FGD6: variants seen among roughly 807,000 people sequenced by gnomAD.
FGD6 encodes the protein FYVE, RhoGEF and PH domain containing 6.
In FGD6, 90 loss-of-function variants were observed where a neutral mutation model predicts 149.4. The observed-to-expected ratio is 0.60, with a 90% CI of 0.51 to 0.72. The LOEUF is 0.72. Among genes scored for constraint, FGD6 ranks in the 30% least tolerant of loss-of-function variants. The probability of loss-of-function intolerance (pLI) is 0.00; values close to 1 mark genes in which losing one functional copy is unlikely to be tolerated. For synonymous variants in FGD6, 527 were observed against 584.0 expected (o/e 0.90, Z 1.41); for missense variants, 1,437 against 1,684.8 (o/e 0.85, Z 2.57).
At chr12:95,217,204 A>C in intron 1 of FGD6, 21 bp downstream of exon 1, 1 of 1,612,550 alleles carries the variant, frequency 6.2e-7, no homozygotes, top group Non-Finnish European at 8.5e-7. Context: ...TTCCCGCGGC[A>C]GCGCGAGCGC....
intron 2 of FGD6, among the ~76,000 whole-genome samples, chr12:95,194,940 T>C (rs916147272): frequency 3.9e-5 from 6 of 152,112 alleles, no homozygotes; most frequent in African/African-American, 1.4e-4. Context: ...ATAAACCACA[T>C]TGCAAATTCC....
intron 3 of FGD6, among the ~76,000 whole-genome samples, chr12:95,161,159 G>A (rs144930006): frequency 2.6e-5 from 4 of 151,988 alleles, no homozygotes; most frequent in Non-Finnish European, 5.9e-5. Flanking sequence ...CAGCCTGGAT[G>A]ACACATTGAA....
chr12:95,110,610 C>G (rs981334707), intron 9 of FGD6, among the ~76,000 whole-genome samples: 4 of 152,200 alleles, frequency 2.6e-5, no homozygotes, highest in African/African-American at 9.6e-5. Context: ...CCCGCCGCAG[C>G]CTCCCAAAGT....
rs535571119 is a variant in FGD6, at chr12:95,175,715, G to A, written c.2442-2971C>T. Among the ~76,000 whole-genome samples the A allele has an allele frequency of 1.0e-4, 15 of 150,584 alleles. 1 individual carries two copies. The highest frequency in any genetic ancestry group is 2.1e-4 in the South Asian group (1 of 4,784). ...CTCAGGAGGCTGAGGTAGGAGAATCGCTTGAACCAGGGAGGTGGAGGTTGC... is the reference window on the plus strand; with the variant it reads ...CTCAGGAGGCTGAGGTAGGAGAATCACTTGAACCAGGGAGGTGGAGGTTGC... On this transcript the variant is annotated intron_variant, in intron 2 of 20. Transcript: ENST00000343958.
At position 95,172,617 on chromosome 12, in the gene FGD6, G is replaced by A; in HGVS notation, c.2569C>T (p.Pro857Ser). 6.2e-7 allele frequency: 1 copy of A among 1,608,100 alleles called. No individual in the cohort carries two copies. Among genetic ancestry groups the A allele is most frequent in the Non-Finnish European group, 8.5e-7 (1 of 1,176,578 alleles). ...AAGTATACCTGTTTATCTTCCAGTG[G>A]GTCAGGCTCTCCTTTACTTGACTCA... ...SSESSKGEPD[P>S]LEDKQDEDNG... Residue 857 changes from proline (P) to serine (S), a missense_variant, in exon 3 of 21, where the codon CCA becomes TCA. Coordinates refer to ENST00000343958, the MANE Select transcript of FGD6 (RefSeq NM_018351.4).
At chr12:95,187,119 T>TCATG (rs1405143608) in intron 2 of FGD6, among the ~76,000 whole-genome samples, 2 of 130,558 alleles carry the variant, frequency 1.5e-5, no homozygotes, top group South Asian at 2.5e-4. Context: ...ATCATGAGGT[T>TCATG]AGGAGATCGA....
At chr12:95,170,648 A>C (rs563592348) in intron 3 of FGD6, among the ~76,000 whole-genome samples, 1 of 152,320 alleles carries the variant, frequency 6.6e-6, no homozygotes, top group East Asian at 1.9e-4. Flanking sequence ...TTCTCAAAAG[A>C]AAAGAACGTT....
intron 2 of FGD6, among the ~76,000 whole-genome samples, chr12:95,192,869 A>G (rs1881632116): frequency 6.6e-6 from 1 of 152,216 alleles, no homozygotes; most frequent in South Asian, 2.1e-4. Flanking sequence ...ATGTTTTGGA[A>G]TGTAGAATGT....
rs116140370 is a variant in FGD6 at position 95,147,233 on chromosome 12, G to A, written c.2685+5578C>T. Among the ~76,000 whole-genome samples the A allele has an allele frequency of 6.1e-3, 928 of 152,212 alleles. 16 individuals are homozygous for A. The highest frequency in any genetic ancestry group is 0.021 in the African/African-American group (878 of 41,534). The stretch of plus-strand genomic sequence containing the variant: ...AGTGTGAAACTATGGAGTAAAAGTA[G>A]AGGTGGGAAAGTCCCCACATTAACC... On this transcript the variant is annotated intron_variant, in intron 5 of 20. Transcript: ENST00000343958.
Position 95,105,028 on chromosome 12 carries a change from C to T in FGD6, c.3476G>A (p.Arg1159His), listed in dbSNP as rs777312894. The T allele has an allele frequency of 1.2e-5, 19 of 1,593,408 alleles. No homozygotes were observed. The highest frequency in any genetic ancestry group is 1.6e-5 in the Non-Finnish European group (19 of 1,173,690). Reference sequence around the variant, plus strand: ...TTACCTGGCTGAGAGAATGAAGGAACGTTCTACACTTTCAATCTTTAATTC... The same window carrying T: ...TTACCTGGCTGAGAGAATGAAGGAATGTTCTACACTTTCAATCTTTAATTC... ...QNELKIESVE[R>H]SFILSASSAT... The change falls in exon 14 of 21, where the codon CGT (arginine) becomes CAT (histidine). Residue 1159 changes from arginine to histidine, a missense_variant. Transcript: ENST00000343958.
intron 14 of FGD6, among the ~76,000 whole-genome samples, chr12:95,104,276 G>A (rs1435986403): frequency 6.6e-6 from 1 of 152,020 alleles, no homozygotes; most frequent in Non-Finnish European, 1.5e-5. Flanking sequence ...ATCTTTCCCT[G>A]TTATACTCAC....
At chr12:95,191,819 C>T (rs1041201299) in intron 2 of FGD6, among the ~76,000 whole-genome samples, 2 of 152,110 alleles carry the variant, frequency 1.3e-5, no homozygotes, top group African/African-American at 4.8e-5. Context: ...CTCACTGCAA[C>T]CCCACCTCCA....
intron 8 of FGD6, among the ~76,000 whole-genome samples, chr12:95,133,524 A>G (rs61937892): frequency 0.013 from 2,040 of 152,300 alleles, 31 homozygotes; most frequent in South Asian, 0.047. Context: ...TATCTCCAAT[A>G]TAGCTCTTGG....
At chr12:95,166,206 A>C (rs1318910553) in intron 3 of FGD6, among the ~76,000 whole-genome samples, 1 of 151,870 alleles carries the variant, frequency 6.6e-6, no homozygotes, top group Non-Finnish European at 1.5e-5. Context: ...GAGCCACCAT[A>C]CCCAGCCTGA....
intron 8 of FGD6, among the ~76,000 whole-genome samples, chr12:95,128,352 T>G (rs1879410398): frequency 6.6e-6 from 1 of 152,176 alleles, no homozygotes; most frequent in South Asian, 2.1e-4. Context: ...TCATCCTGCC[T>G]CAGCTTCCTC....
chr12:95,179,082 A>C (rs569651554), intron 2 of FGD6, among the ~76,000 whole-genome samples: 2 of 152,126 alleles, frequency 1.3e-5, no homozygotes, highest in Non-Finnish European at 2.9e-5. Flanking sequence ...AATGATGGAT[A>C]TTTTTTAAAA....
At chr12:95,143,016 A>G (rs1212955896) in intron 5 of FGD6, among the ~76,000 whole-genome samples, 1 of 152,190 alleles carries the variant, frequency 6.6e-6, no homozygotes, top group East Asian at 1.9e-4. Flanking sequence ...CTCAAGATAT[A>G]AGTAAAACAG....
At chr12:95,164,230 T>A (rs1880729179) in intron 3 of FGD6, among the ~76,000 whole-genome samples, 1 of 149,694 alleles carries the variant, frequency 6.7e-6, no homozygotes. Context: ...GTAAATTCTT[T>A]TTTTTTTTTT....
intron 2 of FGD6, among the ~76,000 whole-genome samples, chr12:95,176,103 T>C (rs1480518897): frequency 6.6e-6 from 1 of 152,250 alleles, no homozygotes; most frequent in Non-Finnish European, 1.5e-5. Context: ...ATTTCTATTT[T>C]TATTTTTTTG....
Sources: gnomAD v4.1 joint callset for allele counts (sites outside exome capture counted in the v4.1 genomes callset) on GRCh38, gnomAD v4.1.1 for gene constraint, MANE v1.5 for transcripts, NCBI Gene and HGNC (gene_info 2026-07-23, HGNC 2026-07-21) for gene names.